Variants in PDXK observed in about 807,000 individuals in gnomAD.
The protein encoded by PDXK is pyridoxal kinase, also known as epididymis secretory sperm binding protein Li 1a.
Under a neutral mutation model 43.2 loss-of-function variants are expected in PDXK, and 15 were observed. The ratio of observed to expected loss-of-function variants is 0.35; its 90% CI spans 0.23 to 0.53. The LOEUF (loss-of-function observed/expected upper bound fraction) is 0.53. Among genes scored for constraint, PDXK ranks in the 20% least tolerant of loss-of-function variants. The pLI is 0.92. For synonymous variants in PDXK, 172 were observed against 165.4 expected (o/e 1.04, Z -0.31); for missense variants, 343 against 417.0 (o/e 0.82, Z 1.54).
At chr21:43,744,323 T>A in intron 4 of PDXK, 1 of 163,418 alleles carries the variant, frequency 6.1e-6, no homozygotes, top group Admixed American at 5.9e-5. Context: ...GGCCAGGCAG[T>A]GCTGGATCCA....
In PDXK at chr21:43,735,762, G is replaced by A. The variant is rs2083390789; in HGVS notation, c.142+1639G>A. On this transcript the variant is annotated intron_variant, in intron 2 of 10. Coordinates refer to ENST00000291565, the MANE Select transcript of PDXK (RefSeq NM_003681.5). The surrounding 1 kb of genome is among the most constrained non-coding windows in gnomAD (Gnocchi z 5.3). ...CACTCTCGGGGTCAGCTGTCTGTGCGGCCTGATCAGGAGGCCCCCGGGTAG... is the reference window on the plus strand; with the variant it reads ...CACTCTCGGGGTCAGCTGTCTGTGCAGCCTGATCAGGAGGCCCCCGGGTAG... Among the ~76,000 whole-genome samples the A allele has an allele frequency of 6.6e-6, 1 of 151,796 alleles. No individual in the cohort carries two copies. The highest frequency in any genetic ancestry group is 1.5e-5 in the Non-Finnish European group (1 of 67,896).
In PDXK at chr21:43,735,637, A is replaced by G. The variant is rs560459598; in HGVS notation, c.142+1514A>G. On this transcript the variant is annotated intron_variant, in intron 2 of 10. Coordinates refer to ENST00000291565, the MANE Select transcript of PDXK (RefSeq NM_003681.5). The surrounding 1 kb of genome is among the most constrained non-coding windows in gnomAD (Gnocchi z 5.3). ...CAGCCTGTGGTTCCTGGGAGCCCCCACTCCAGCCTCCTCCAGATGCCATGG... is the reference window on the plus strand; with the variant it reads ...CAGCCTGTGGTTCCTGGGAGCCCCCGCTCCAGCCTCCTCCAGATGCCATGG... 3.8e-3 allele frequency among the ~76,000 whole-genome samples: 583 copies of G among 151,472 alleles called. 7 individuals are homozygous for G. The highest frequency in any genetic ancestry group is 0.013 in the African/African-American group (536 of 41,204).
chr21:43,727,373 C>G (rs1048425089), intron 1 of PDXK, among the ~76,000 whole-genome samples: 1 of 152,194 alleles, frequency 6.6e-6, no homozygotes, highest in Non-Finnish European at 1.5e-5. Context: ...GCCTCCCTTC[C>G]TGCCCACAGA....
chr21:43,743,875 G>A (rs976091942), intron 4 of PDXK, 68 bp downstream of exon 4: 23 of 1,072,526 alleles, frequency 2.1e-5, no homozygotes, highest in East Asian at 1.8e-4. Context: ...CTGGGAGCCC[G>A]GGAAGGGACG....
intron 2 of PDXK, chr21:43,741,148 A>AGGGCGG: frequency 4.0e-5 from 1 of 24,966 alleles, no homozygotes; most frequent in African/African-American, 2.4e-4. Context: ...CTGACAGTGC[A>AGGGCGG]GGGGCGGGGG....
intron 4 of PDXK, among the ~76,000 whole-genome samples, chr21:43,745,175 T>C (rs1176098579): frequency 6.6e-6 from 1 of 152,104 alleles, no homozygotes; most frequent in East Asian, 1.9e-4. Context: ...ATCCCAGCAC[T>C]TTGGATGGCT....
rs1246992591 is a variant in PDXK, at chr21:43,756,531, CT to C, written c.*471del. ...GGTCAGGAAGAATTCTGCCAAGTAT[CT>C]TTACTGTCATTCTGACCATAGCCTC... On this transcript the variant is annotated 3_prime_UTR_variant, in exon 11 of 11. Coordinates refer to ENST00000291565, the MANE Select transcript of PDXK (RefSeq NM_003681.5). 6.4e-6 allele frequency: 1 copy of C among 157,060 alleles called. No homozygotes were observed. Among genetic ancestry groups the C allele is most frequent in the African/African-American group, 2.4e-5 (1 of 41,510 alleles). 9.7% of individuals were successfully genotyped at this position (157,060 alleles called of 1,614,324 possible).
At chr21:43,750,917 TGCATGTG>T (rs1171537820) in intron 7 of PDXK, among the ~76,000 whole-genome samples, 1 of 65,564 alleles carries the variant, frequency 1.5e-5, no homozygotes, top group African/African-American at 5.2e-5. Context: ...CACGCATGTG[TGCATGTG>T]TGTGCGTATG....
chr21:43,742,522 C>T (rs1356091968), intron 3 of PDXK, among the ~76,000 whole-genome samples: 1 of 152,170 alleles, frequency 6.6e-6, no homozygotes, highest in Non-Finnish European at 1.5e-5. Context: ...AACACTTAGC[C>T]TCCCAAAGTG....
chr21:43,747,681 T>C (rs988426447), intron 5 of PDXK, among the ~76,000 whole-genome samples: 1 of 152,222 alleles, frequency 6.6e-6, no homozygotes, highest in Admixed American at 6.5e-5. Context: ...GGCAGACACT[T>C]GCGTTTGGAT....
At position 43,735,079 on chromosome 21, in the gene PDXK, T is replaced by A. The variant is rs1435713529; in HGVS notation, c.142+956T>A. ...GCTTGGCCGGTGCAGACGGACAGGC[T>A]CCAGCTCTTGGCGGTGCAGATGGAC... On this transcript the variant is annotated intron_variant, in intron 2 of 10. Coordinates refer to ENST00000291565, the MANE Select transcript of PDXK (RefSeq NM_003681.5). The surrounding 1 kb of genome is among the most constrained non-coding windows in gnomAD (Gnocchi z 5.3). 6.6e-6 allele frequency among the ~76,000 whole-genome samples: 1 copy of A among 152,212 alleles called. No homozygotes were observed. The highest frequency in any genetic ancestry group is 1.5e-5 in the Non-Finnish European group (1 of 68,036).
chr21:43,752,610 G>C lies in PDXK; in HGVS notation c.603G>C (p.Val201=), dbSNP rs375933947. The C allele has an allele frequency of 1.9e-6, 3 of 1,611,428 alleles. No homozygotes were observed. Among genetic ancestry groups the C allele is most frequent in the African/African-American group, 1.3e-5 (1 of 74,920 alleles). ...CGCAGGGCAGCAACTACCTGATTGT[G>C]CTGGGGAGTCAGAGGAGGAGTAAGT... ...PSPQGSNYLI[V]LGSQRRRNPA... The change falls in exon 8 of 11, where the codon GTG becomes GTC. Residue 201 remains valine, a synonymous_variant. Transcript: ENST00000291565.
intron 1 of PDXK, chr21:43,719,602 G>C (rs755233682): frequency 4.1e-6 from 4 of 985,240 alleles, no homozygotes; most frequent in Non-Finnish European, 4.8e-6. Flanking sequence ...CGGGTGGGAC[G>C]GGTCCGGCGT....
chr21:43,748,860 C>A (rs1185740890), intron 5 of PDXK, 135 bp from the exon 6 acceptor site: 4 of 645,308 alleles, frequency 6.2e-6, no homozygotes, highest in Non-Finnish European at 1.1e-5. Context: ...TCGCTACAGT[C>A]GGGGGGCCTG....
intron 5 of PDXK, among the ~76,000 whole-genome samples, chr21:43,747,983 C>T (rs1176502621): frequency 1.3e-5 from 2 of 152,188 alleles, no homozygotes; most frequent in South Asian, 4.1e-4. Flanking sequence ...GAGCAGCGGC[C>T]GGCGTGTGAC....
rs1568970941 is a variant in PDXK at position 43,723,014 on chromosome 21, A to G, written c.87+3633A>G. 6.7e-6 allele frequency among the ~76,000 whole-genome samples: 1 copy of G among 149,970 alleles called. No individual in the cohort carries two copies. Among genetic ancestry groups the G allele is most frequent in the Non-Finnish European group, 1.5e-5 (1 of 67,640 alleles). ...CACCACGCCTGGCTAATTTTTTTGT[A>G]TTTTTAGTAGAGACGGGGTTTCACC... On this transcript the variant is annotated intron_variant, in intron 1 of 10. Coordinates refer to ENST00000291565, the MANE Select transcript of PDXK (RefSeq NM_003681.5). This position sits in a 1 kb window ranked among gnomAD's most constrained non-coding sequence, Gnocchi z 4.1.
chr21:43,725,442 A>G (rs1259879035), intron 1 of PDXK, among the ~76,000 whole-genome samples: 2 of 152,170 alleles, frequency 1.3e-5, no homozygotes, highest in African/African-American at 2.4e-5. Context: ...GAAGAATACC[A>G]CCCTGCCTTT....
chr21:43,742,680 C>G (rs1448737980), intron 3 of PDXK, among the ~76,000 whole-genome samples: 1 of 152,042 alleles, frequency 6.6e-6, no homozygotes, highest in Non-Finnish European at 1.5e-5. Context: ...AGTTCAAAAC[C>G]AGCCTGAGCG....
intron 1 of PDXK, chr21:43,728,594 TG>T: frequency 2.3e-6 from 1 of 437,726 alleles, no homozygotes; most frequent in Non-Finnish European, 3.0e-6. Context: ...ACGTAGTGTC[TG>T]GCTGTCTGCC....
Sources: allele counts gnomAD v4.1 joint callset (sites outside exome capture counted in the v4.1 genomes callset), GRCh38; gene constraint gnomAD v4.1.1; non-coding constraint Gnocchi (gnomAD v3.1); transcripts MANE v1.5; gene names NCBI Gene and HGNC (gene_info 2026-07-23, HGNC 2026-07-21).